CACNA2D1: variants seen among roughly 807,000 people sequenced by gnomAD.
The protein encoded by CACNA2D1 is calcium voltage-gated channel auxiliary subunit alpha2delta 1.
A neutral mutation model predicts 171.5 loss-of-function variants in CACNA2D1; 53 were observed. The ratio of observed to expected loss-of-function variants is 0.31; its 90% CI spans 0.25 to 0.39. The LOEUF is 0.39. Ranked by LOEUF, CACNA2D1 falls within the 10% of genes least tolerant of loss-of-function variation. CACNA2D1 has a pLI of 1.00. For missense variants in CACNA2D1, 903 were observed against 1,299.8 expected (o/e 0.69, Z 4.69); for synonymous variants, 442 against 443.1 (o/e 1.00, Z 0.03).
intron 3 of CACNA2D1, among the ~76,000 whole-genome samples, chr7:82,290,102 C>A (rs1027658507): frequency 6.6e-6 from 1 of 152,056 alleles, no homozygotes. Flanking sequence ...AAAGTAATTG[C>A]GGTTTTTGCC....
At chr7:82,170,722 T>C (rs1795933547) in intron 3 of CACNA2D1, 113 bp from the exon 4 acceptor site, 1 of 907,274 alleles carries the variant, frequency 1.1e-6, no homozygotes, top group Admixed American at 1.8e-5. Context: ...CAGAAGATGA[T>C]CCTTATTTAT....
chr7:82,274,204 T>C (rs1244995989), intron 3 of CACNA2D1, among the ~76,000 whole-genome samples: 1 of 134,140 alleles, frequency 7.5e-6, no homozygotes, highest in Non-Finnish European at 1.5e-5. Flanking sequence ...CTCTCACGAC[T>C]GTATCTTCCT....
intron 1 of CACNA2D1, among the ~76,000 whole-genome samples, chr7:82,396,508 G>C (rs2129451250): frequency 6.6e-6 from 1 of 152,222 alleles, no homozygotes; most frequent in East Asian, 1.9e-4. Context: ...TATCTGTCAA[G>C]GTTAATTCAC....
Position 81,972,761 on chromosome 7 carries a change from T to C in CACNA2D1, c.2054-897A>G, listed in dbSNP as rs538769658. Among the ~76,000 whole-genome samples, 132 of 152,106 alleles carry C rather than the reference T, an allele frequency of 8.7e-4. 3 individuals are homozygous for C. Among genetic ancestry groups the C allele is most frequent in the East Asian group, 3.9e-4 (2 of 5,178 alleles). Reference sequence around the variant, plus strand: ...GAAATTGCACATTTACGACAAAATTTGACTTTTTCAGATAAAGAATATATG... The same window carrying C: ...GAAATTGCACATTTACGACAAAATTCGACTTTTTCAGATAAAGAATATATG... On this transcript the variant is annotated intron_variant, in intron 25 of 38. Transcript: ENST00000356860.
intron 10 of CACNA2D1, among the ~76,000 whole-genome samples, chr7:82,055,173 C>A (rs1226119352): frequency 6.6e-6 from 1 of 152,084 alleles, no homozygotes; most frequent in Non-Finnish European, 1.5e-5. Flanking sequence ...AGGAGAAGCA[C>A]CCTTTGTACT....
chr7:82,178,440 A>G (rs1333420825), intron 3 of CACNA2D1, among the ~76,000 whole-genome samples: 1 of 152,090 alleles, frequency 6.6e-6, no homozygotes, highest in Non-Finnish European at 1.5e-5. Context: ...AGGTTGTCCA[A>G]ATGAATATAA....
intron 18 of CACNA2D1, chr7:82,001,760 A>T (rs765228533): frequency 1.3e-6 from 1 of 741,996 alleles, no homozygotes; most frequent in Non-Finnish European, 2.0e-6. Context: ...ACATGTCAAC[A>T]TAGGTACGGG....
intron 18 of CACNA2D1, 155 bp downstream of exon 18, chr7:82,005,268 A>T: frequency 1.6e-6 from 1 of 638,982 alleles, no homozygotes; most frequent in Non-Finnish European, 2.8e-6. Context: ...ATATAGTATC[A>T]TGTGTGGTCC....
chr7:82,335,271 AAC>A lies in CACNA2D1; in HGVS notation c.178-22_178-21del. The A allele has an allele frequency of 7.4e-7, 1 of 1,349,668 alleles. No individual in the cohort carries two copies. The highest frequency in any genetic ancestry group is 1.1e-6 in the Non-Finnish European group (1 of 940,568). The allele number at this position is 1,349,668 out of a possible 1,614,324, so 83.6% of individuals were successfully genotyped here. ...ATAAATCTGTGTGAAAGAAAAAAAAAACTAGTAAGAACAATAGTTACTTATTT... is the reference window on the plus strand; with the variant it reads ...ATAAATCTGTGTGAAAGAAAAAAAAATAGTAAGAACAATAGTTACTTATTT... On this transcript the variant is annotated intron_variant, in intron 2 of 38. Transcript: ENST00000356860.
chr7:82,212,825 C>T (rs1800707492), intron 3 of CACNA2D1, among the ~76,000 whole-genome samples: 2 of 151,948 alleles, frequency 1.3e-5, no homozygotes, highest in Admixed American at 1.3e-4. Context: ...ACAAGTATTG[C>T]CTTGATAGAT....
chr7:82,411,895 T>TCTCACACACACACACACACACACA (rs1554548045), intron 1 of CACNA2D1, among the ~76,000 whole-genome samples: 2 of 144,790 alleles, frequency 1.4e-5, no homozygotes, highest in Admixed American at 6.9e-5. Context: ...AAACTAAATC[T>TCTCACACACACACACACACACACA]CACACACACA....
At chr7:82,412,753 G>C (rs977409701) in intron 1 of CACNA2D1, among the ~76,000 whole-genome samples, 1 of 151,378 alleles carries the variant, frequency 6.6e-6, no homozygotes, top group Admixed American at 6.6e-5. Context: ...ATCAATTCTT[G>C]GTCTAAGTGG....
intron 5 of CACNA2D1, among the ~76,000 whole-genome samples, chr7:82,136,432 T>C: frequency 6.6e-6 from 1 of 151,872 alleles, no homozygotes; most frequent in Non-Finnish European, 1.5e-5. Context: ...GAGAAACACA[T>C]GGAATTTTTA....
chr7:82,103,780 A>G (rs1279507582), intron 6 of CACNA2D1, among the ~76,000 whole-genome samples: 1 of 152,150 alleles, frequency 6.6e-6, no homozygotes, highest in Non-Finnish European at 1.5e-5. Context: ...AGTAAAATAT[A>G]TTTAACTCCC....
chr7:82,217,179 T>C (rs1801198279), intron 3 of CACNA2D1, among the ~76,000 whole-genome samples: 1 of 151,810 alleles, frequency 6.6e-6, no homozygotes, highest in South Asian at 2.1e-4. Context: ...AAGCACCTTT[T>C]TCCTGGACCC....
At chr7:82,156,597 T>C (rs1193858937) in intron 4 of CACNA2D1, among the ~76,000 whole-genome samples, 1 of 151,956 alleles carries the variant, frequency 6.6e-6, no homozygotes, top group Non-Finnish European at 1.5e-5. Context: ...TAAAAGTATA[T>C]AAATAAGAAC....
intron 3 of CACNA2D1, among the ~76,000 whole-genome samples, chr7:82,301,532 T>C (rs939789261): frequency 2.6e-5 from 4 of 152,180 alleles, no homozygotes; most frequent in African/African-American, 9.7e-5. Flanking sequence ...AATGTAAATG[T>C]TGCCCTAACC....
At chr7:82,395,043 A>G (rs570258402) in intron 1 of CACNA2D1, among the ~76,000 whole-genome samples, 1 of 152,280 alleles carries the variant, frequency 6.6e-6, no homozygotes, top group South Asian at 2.1e-4. Context: ...ACTATCTCCT[A>G]TATTTGCTAA....
intron 12 of CACNA2D1, among the ~76,000 whole-genome samples, chr7:82,022,592 G>A (rs1257239411): frequency 3.3e-5 from 5 of 151,690 alleles, no homozygotes. Flanking sequence ...TATTTTCCAT[G>A]GATTATTTTC....
Sources: gnomAD v4.1 joint callset for allele counts (sites outside exome capture counted in the v4.1 genomes callset) on GRCh38, gnomAD v4.1.1 for gene constraint, MANE v1.5 for transcripts, NCBI Gene and HGNC (gene_info 2026-07-23, HGNC 2026-07-21) for gene names.